The following MRC2 variants were observed in gnomAD, a reference collection of about 807,000 sequenced individuals.
MRC2 encodes the protein mannose receptor C-type 2, also known as C-type mannose receptor 2.
In MRC2, 84 loss-of-function variants were observed where a neutral mutation model predicts 206.2. The observed-to-expected ratio is 0.41, with a 90% CI of 0.34 to 0.49. The LOEUF is 0.49. Ranked by LOEUF, MRC2 falls within the 20% of genes least tolerant of loss-of-function variation. The pLI is 0.31. For synonymous variants in MRC2, 798 were observed against 800.0 expected (o/e 1.00, Z 0.04); for missense variants, 1,676 against 2,001.5 (o/e 0.84, Z 3.10).
chr17:62,627,865 C>T lies in MRC2; in HGVS notation c.63C>T (p.Leu21=), dbSNP rs530378749. 6 of 1,477,924 alleles carry T rather than the reference C, an allele frequency of 4.1e-6. No individual in the cohort carries two copies. In the South Asian group the frequency reaches 7.7e-5, roughly 19 times the overall value. 91.6% of individuals were successfully genotyped at this position (1,477,924 alleles called of 1,614,324 possible). Residue 21 remains leucine (L), a synonymous_variant, in exon 1 of 30, where the codon CTC becomes CTT. Transcript: ENST00000303375. Reference sequence around the variant, plus strand: ...GTCACCTGCTGCGCTGCGTCCTGCTCCTCGGGTGCCTGCACCTCGGCCGTC... The same window carrying T: ...GTCACCTGCTGCGCTGCGTCCTGCTTCTCGGGTGCCTGCACCTCGGCCGTC... ...WPRHLLRCVL[L]LGCLHLGRPG... is the part of the protein sequence containing the mutation.
intron 1 of MRC2, among the ~76,000 whole-genome samples, chr17:62,628,678 CAA>C (rs1266579344): frequency 3.9e-5 from 6 of 152,174 alleles, no homozygotes; most frequent in Admixed American, 3.3e-4. Flanking sequence ...GAACAGGAAA[CAA>C]AACAAAAATC....
intron 1 of MRC2, among the ~76,000 whole-genome samples, chr17:62,631,825 A>G (rs1269644450): frequency 6.6e-6 from 1 of 152,182 alleles, no homozygotes; most frequent in Middle Eastern, 3.2e-3. Flanking sequence ...CCTGAGGTCA[A>G]GGATTCACAT....
Position 62,671,260 on chromosome 17 carries a change from G to T in MRC2, c.1118-389G>T, listed in dbSNP as rs2088822527. Among the ~76,000 whole-genome samples, 1 of 151,926 alleles carries T rather than the reference G, an allele frequency of 6.6e-6. No homozygotes were observed. The highest frequency in any genetic ancestry group is 6.6e-5 in the Admixed American group (1 of 15,256). ...TAATTTTTTATTTTTTATAGAGATG[G>T]GGTCTCCCCTTTGTTGCCCAGTCTG... is the stretch of plus-strand genomic sequence containing the variant. On this transcript the variant is annotated intron_variant, in intron 6 of 29. Coordinates refer to ENST00000303375, the MANE Select transcript of MRC2 (RefSeq NM_006039.5). This position sits in a 1 kb window ranked among gnomAD's most constrained non-coding sequence, Gnocchi z 4.5.
At chr17:62,679,706 C>A in intron 13 of MRC2, 94 bp from the exon 14 acceptor site, 1 of 1,234,644 alleles carries the variant, frequency 8.1e-7, no homozygotes, top group Admixed American at 2.1e-5. Flanking sequence ...TGGGGGCTGC[C>A]CCGGTCACAG....
intron 28 of MRC2, among the ~76,000 whole-genome samples, chr17:62,691,415 T>C (rs978512413): frequency 2.0e-5 from 3 of 152,202 alleles, no homozygotes; most frequent in Non-Finnish European, 2.9e-5. Context: ...ATGTCACTTA[T>C]CAGTGGTGTG....
intron 1 of MRC2, among the ~76,000 whole-genome samples, chr17:62,647,635 C>T (rs1196893902): frequency 1.3e-5 from 2 of 152,118 alleles, no homozygotes; most frequent in Non-Finnish European, 2.9e-5. Context: ...TTAGTTGCTC[C>T]CCCATCATTG....
intron 1 of MRC2, among the ~76,000 whole-genome samples, chr17:62,649,836 T>C (rs1327766752): frequency 6.6e-6 from 1 of 151,582 alleles, no homozygotes; most frequent in Non-Finnish European, 1.5e-5. Flanking sequence ...GATACATACA[T>C]TTTTTGTTTT....
At position 62,674,129 on chromosome 17, in the gene MRC2, C is replaced by G; in HGVS notation, c.1528C>G (p.Leu510Val). 6.4e-7 allele frequency: 1 copy of G among 1,555,370 alleles called. No individual in the cohort carries two copies. The highest frequency in any genetic ancestry group is 8.7e-7 in the Non-Finnish European group (1 of 1,149,232). The change falls in exon 9 of 30, where the codon CTG (leucine) becomes GTG (valine). Residue 510 changes from leucine to valine, a missense_variant. Leu to Val is a conservative substitution (Grantham distance 32). Coordinates refer to ENST00000303375, the MANE Select transcript of MRC2 (RefSeq NM_006039.5). Reference sequence around the variant, plus strand: ...ATCCATCTGCAAGAAGGCAGGCCAGCTGAGCCAGGGGGCCGCCGAGGAGGA... The same window carrying G: ...ATCCATCTGCAAGAAGGCAGGCCAGGTGAGCCAGGGGGCCGCCGAGGAGGA... ...LPSICKKAGQ[L>V]SQGAAEEDHG...
At chr17:62,650,722 C>T (rs769659946) in intron 1 of MRC2, among the ~76,000 whole-genome samples, 5 of 152,176 alleles carry the variant, frequency 3.3e-5, no homozygotes, top group South Asian at 2.1e-4. Context: ...TGCCTGGACG[C>T]GCATGGTTAA....
At chr17:62,635,886 C>T (rs1001198988) in intron 1 of MRC2, among the ~76,000 whole-genome samples, 1 of 151,860 alleles carries the variant, frequency 6.6e-6, no homozygotes, top group African/African-American at 2.4e-5. Flanking sequence ...CTCCCCGGTT[C>T]ACGCAATTCT....
Position 62,692,678 on chromosome 17 carries a change from G to A in MRC2, c.*227G>A. On this transcript the variant is annotated 3_prime_UTR_variant, in exon 30 of 30. Transcript: ENST00000303375. This position sits in a 1 kb window ranked among gnomAD's most constrained non-coding sequence, Gnocchi z 4.2. ...GCAGCGTGGCGTTTCCCTTTCTGGG[G>A]GGGCCTGAGGTCTTGTCACCTGGTC... The A allele has an allele frequency of 1.9e-6, 1 of 530,826 alleles. No homozygotes were observed. The highest frequency in any genetic ancestry group is 1.9e-5 in the African/African-American group (1 of 52,742). The allele number at this position is 530,826 out of a possible 1,614,324, so 32.9% of individuals were successfully genotyped here. A position where few individuals can be genotyped will look rare whatever the true frequency, so the allele number is the denominator to read the frequency against.
At chr17:62,690,805 G>T (rs754868650) in intron 27 of MRC2, 44 bp downstream of exon 27, 1 of 1,544,524 alleles carries the variant, frequency 6.5e-7, no homozygotes, top group Non-Finnish European at 8.7e-7. Flanking sequence ...GCCTCAGGCT[G>T]TAAGGGGCTG....
chr17:62,681,401 T>C, intron 18 of MRC2: 1 of 550,200 alleles, frequency 1.8e-6, no homozygotes, highest in Non-Finnish European at 3.2e-6. Flanking sequence ...TGGCAGCTCC[T>C]GTTACGTCTG....
In MRC2 at chr17:62,692,554, G is replaced by T. The variant is rs1055086961; in HGVS notation, c.*103G>T. On this transcript the variant is annotated 3_prime_UTR_variant, in exon 30 of 30. Transcript: ENST00000303375. This position sits in a 1 kb window ranked among gnomAD's most constrained non-coding sequence, Gnocchi z 4.2. ...TGCCTGTCCAGTTGGCCTATGGAAGGGTGCCCTTGGGAGTCGCTGTTGGGA... is the reference window on the plus strand; with the variant it reads ...TGCCTGTCCAGTTGGCCTATGGAAGTGTGCCCTTGGGAGTCGCTGTTGGGA... The T allele has an allele frequency of 8.3e-7, 1 of 1,202,418 alleles. No homozygotes were observed. The highest frequency in any genetic ancestry group is 2.3e-5 in the Admixed American group (1 of 42,824). The allele number at this position is 1,202,418 out of a possible 1,614,324, so 74.5% of individuals were successfully genotyped here.
chr17:62,654,151 G>C (rs1215150464), intron 1 of MRC2, among the ~76,000 whole-genome samples: 1 of 151,916 alleles, frequency 6.6e-6, no homozygotes, highest in Non-Finnish European at 1.5e-5. Flanking sequence ...GCGTGGCCTG[G>C]GGAGGGGCAG....
At position 62,689,705 on chromosome 17, in the gene MRC2, C is replaced by G; in HGVS notation, c.3518C>G (p.Thr1173Arg). 1 of 1,573,992 alleles carries G rather than the reference C, an allele frequency of 6.4e-7. No individual in the cohort carries two copies. The highest frequency in any genetic ancestry group is 8.6e-7 in the Non-Finnish European group (1 of 1,160,736). Residue 1173 changes from threonine to arginine, a missense_variant, in exon 24 of 30, where the codon ACG (threonine) becomes AGG (arginine). By Grantham distance (71) the Thr-to-Arg change is moderately conservative. Around this residue, in one of 3 missense-constraint regions of MRC2, gnomAD observed 1,354 missense variants for 1,636.6 expected, o/e 0.83. Transcript: ENST00000303375. ...VPDPYTQAFL[T>R]QAARGLRTPL... ...GACCCCTACACCCAGGCCTTCCTCACGCAGGCTGCCCGAGGGCTGCGCACG... is the reference window on the plus strand; with the variant it reads ...GACCCCTACACCCAGGCCTTCCTCAGGCAGGCTGCCCGAGGGCTGCGCACG...
At chr17:62,642,607 C>T (rs973140581) in intron 1 of MRC2, among the ~76,000 whole-genome samples, 4 of 152,082 alleles carry the variant, frequency 2.6e-5, no homozygotes, top group South Asian at 2.1e-4. Flanking sequence ...ACACCATGCC[C>T]GGCTAATTTT....
Position 62,667,331 on chromosome 17 carries a change from C to T in MRC2, c.974-59C>T, listed in dbSNP as rs1009078934. 7 of 1,520,860 alleles carry T rather than the reference C, an allele frequency of 4.6e-6. No homozygotes were observed. The highest frequency in any genetic ancestry group is 3.9e-5 in the South Asian group (3 of 76,196). The allele number at this position is 1,520,860 out of a possible 1,614,324, so 94.2% of individuals were successfully genotyped here. On this transcript the variant is annotated intron_variant, in intron 5 of 29. Transcript: ENST00000303375. This position sits in a 1 kb window ranked among gnomAD's most constrained non-coding sequence, Gnocchi z 4.1. ...AGGTAGGAGGTTCTGAGCAGGGCCC[C>T]GGGAGCCACGGTGTGAGCTTCTCTC...
At chr17:62,682,204 G>T (rs2147484366) in intron 19 of MRC2, 31 bp from the exon 20 acceptor site, 1 of 1,534,954 alleles carries the variant, frequency 6.5e-7, no homozygotes. Flanking sequence ...TCTGCCCTGG[G>T]GGTGACTGCC....
Sources: allele counts gnomAD v4.1 joint callset (sites outside exome capture counted in the v4.1 genomes callset), GRCh38; gene constraint gnomAD v4.1.1; regional missense constraint gnomAD v4.1.1; non-coding constraint Gnocchi (gnomAD v3.1); transcripts MANE v1.5; gene names NCBI Gene and HGNC (gene_info 2026-07-23, HGNC 2026-07-21).